CNOT10: variants seen among roughly 807,000 people sequenced by gnomAD.
CNOT10 encodes the protein CCR4-NOT transcription complex, subunit 10.
Under a neutral mutation model 94.6 loss-of-function variants are expected in CNOT10, and 30 were observed. The ratio of observed to expected loss-of-function variants is 0.32; its 90% confidence interval spans 0.24 to 0.43. The LOEUF is 0.43. Ranked by LOEUF, CNOT10 falls within the 20% of genes least tolerant of loss-of-function variation. The pLI, the probability that CNOT10 is intolerant of heterozygous loss-of-function variation, is 1.00. For missense variants in CNOT10, 759 were observed against 877.2 expected (o/e 0.87, Z 1.70); for synonymous variants, 289 against 301.6 (o/e 0.96, Z 0.43).
At chr3:32,735,020 A>G (rs1699122819) in intron 12 of CNOT10, 44 bp downstream of exon 12, 7 of 1,519,052 alleles carry the variant, frequency 4.6e-6, no homozygotes, top group South Asian at 1.2e-5. Context: ...TCCTTTCAGG[A>G]CTTCTTTAGT....
chr3:32,720,836 C>T (rs1443929192), intron 8 of CNOT10, among the ~76,000 whole-genome samples: 1 of 141,628 alleles, frequency 7.1e-6, no homozygotes, highest in African/African-American at 2.7e-5. Context: ...TCCCTCCCTC[C>T]CTTCCTCCCT....
chr3:32,768,677 GAA>G (rs1046377462), intron 17 of CNOT10, among the ~76,000 whole-genome samples: 38 of 152,246 alleles, frequency 2.5e-4, no homozygotes, highest in African/African-American at 8.9e-4. Context: ...CTCATTTTCT[GAA>G]AAGAGTTGTT....
chr3:32,702,237 A>C (rs1226302308), intron 1 of CNOT10, among the ~76,000 whole-genome samples: 1 of 152,146 alleles, frequency 6.6e-6, no homozygotes, highest in Non-Finnish European at 1.5e-5. Context: ...CTGGGATTAT[A>C]GGCATGAGCC....
At position 32,691,254 on chromosome 3, in the gene CNOT10, T is replaced by C. The variant is rs368318942; in HGVS notation, c.22+5772T>C. ...TCGGCTCAGTGCAACCTCTGTCTCCTGGGTTCAAGTGATTCTCCTGCCTCA... is the reference window on the plus strand; with the variant it reads ...TCGGCTCAGTGCAACCTCTGTCTCCCGGGTTCAAGTGATTCTCCTGCCTCA... On this transcript the variant is annotated intron_variant, in intron 1 of 18. Transcript: ENST00000328834. Among the ~76,000 whole-genome samples the C allele has an allele frequency of 1.9e-3, 280 of 150,564 alleles. 1 individual carries two copies. The highest frequency in any genetic ancestry group is 6.6e-3 in the African/African-American group (271 of 40,940).
intron 13 of CNOT10, among the ~76,000 whole-genome samples, chr3:32,752,040 G>A (rs963639000): frequency 1.3e-5 from 2 of 152,158 alleles, no homozygotes; most frequent in African/African-American, 4.8e-5. Flanking sequence ...TGTAATCCCA[G>A]CACTTCGGAA....
intron 17 of CNOT10, among the ~76,000 whole-genome samples, chr3:32,765,657 C>CAA (rs199748186): frequency 8.9e-5 from 4 of 44,774 alleles, no homozygotes; most frequent in Non-Finnish European, 5.0e-5. Flanking sequence ...CCTGTCCCCC[C>CAA]AAAAAAAAAA....
At chr3:32,691,867 G>A (rs781070709) in intron 1 of CNOT10, among the ~76,000 whole-genome samples, 1 of 152,038 alleles carries the variant, frequency 6.6e-6, no homozygotes, top group Non-Finnish European at 1.5e-5. Flanking sequence ...ACCAGCGTAG[G>A]TAACATGGTG....
chr3:32,723,905 C>T (rs955902321), intron 8 of CNOT10, among the ~76,000 whole-genome samples: 2 of 152,044 alleles, frequency 1.3e-5, no homozygotes, highest in African/African-American at 4.8e-5. Flanking sequence ...ACACAGGGAC[C>T]CTGTCTCTGC....
intron 6 of CNOT10, among the ~76,000 whole-genome samples, chr3:32,716,516 T>C (rs928290740): frequency 1.3e-5 from 2 of 152,234 alleles, no homozygotes; most frequent in African/African-American, 4.8e-5. Context: ...TAAATTGCTC[T>C]ATAAATAAAG....
intron 13 of CNOT10, among the ~76,000 whole-genome samples, chr3:32,746,166 C>G (rs911759036): frequency 4.6e-5 from 7 of 152,094 alleles, no homozygotes; most frequent in Admixed American, 2.6e-4. Context: ...GAAATCAGAA[C>G]AGTGGTTGCG....
At chr3:32,689,785 T>C (rs904699044) in intron 1 of CNOT10, among the ~76,000 whole-genome samples, 1 of 152,022 alleles carries the variant, frequency 6.6e-6, no homozygotes, top group East Asian at 1.9e-4. Context: ...CAGACTTGTC[T>C]CCGTAAAAAA....
intron 17 of CNOT10, among the ~76,000 whole-genome samples, chr3:32,766,902 C>A (rs937251358): frequency 6.6e-6 from 1 of 152,234 alleles, no homozygotes; most frequent in South Asian, 2.1e-4. Flanking sequence ...CCAGAGGAAT[C>A]TCACAAAATT....
chr3:32,713,220 C>T lies in CNOT10; in HGVS notation c.431-7C>T. 1 of 1,554,026 alleles carries T rather than the reference C, an allele frequency of 6.4e-7. No homozygotes were observed. The highest frequency in any genetic ancestry group is 1.4e-5 in the African/African-American group (1 of 71,020). ...GACTATTCTTTTCTGTGTTTTTTTT[C>T]TCCCAGAAGAAAAATTTGCCCAAGC... On this transcript the variant is annotated splice_polypyrimidine_tract_variant and splice_region_variant and intron_variant, in intron 4 of 18. Coordinates refer to ENST00000328834, the MANE Select transcript of CNOT10 (RefSeq NM_015442.3).
At chr3:32,740,591 G>A (rs566043874) in intron 13 of CNOT10, among the ~76,000 whole-genome samples, 50 of 151,734 alleles carry the variant, frequency 3.3e-4, no homozygotes, top group South Asian at 1.5e-3. Flanking sequence ...GGCTGGGCGC[G>A]GTGGCTCATG....
intron 12 of CNOT10, among the ~76,000 whole-genome samples, chr3:32,736,582 C>T (rs1163851753): frequency 6.6e-6 from 1 of 152,092 alleles, no homozygotes; most frequent in East Asian, 1.9e-4. Context: ...CGAAGCTAGC[C>T]TGTCCAACAT....
At chr3:32,698,924 T>C (rs1345795313) in intron 1 of CNOT10, among the ~76,000 whole-genome samples, 1 of 152,212 alleles carries the variant, frequency 6.6e-6, no homozygotes, top group East Asian at 1.9e-4. Context: ...TAGCTGGGAC[T>C]ACAGATGCAT....
chr3:32,735,120 G>A, intron 12 of CNOT10, 144 bp downstream of exon 12: 1 of 697,922 alleles, frequency 1.4e-6, no homozygotes, highest in Non-Finnish European at 2.4e-6. Flanking sequence ...AAGTATTTAT[G>A]TTTCTGAGTC....
chr3:32,754,976 G>A (rs183812369), intron 13 of CNOT10, among the ~76,000 whole-genome samples: 7 of 151,590 alleles, frequency 4.6e-5, no homozygotes, highest in African/African-American at 1.4e-4. Flanking sequence ...ACCGGGCATG[G>A]TGGCTCACGA....
Position 32,695,597 on chromosome 3 carries a change from C to T in CNOT10, c.23-8271C>T, listed in dbSNP as rs763515742. The T allele has an allele frequency of 2.0e-6, 3 of 1,534,252 alleles. No homozygotes were observed. In the South Asian group the frequency reaches 3.6e-5, roughly 18 times the overall value. On this transcript the variant is annotated intron_variant, in intron 1 of 18. Coordinates refer to ENST00000328834, the MANE Select transcript of CNOT10 (RefSeq NM_015442.3). ...TGGTGCATTTCTTTTCTGCTTAGTTCAAACCTAAAGGCAATTGTTTATTTA... is the reference window on the plus strand; with the variant it reads ...TGGTGCATTTCTTTTCTGCTTAGTTTAAACCTAAAGGCAATTGTTTATTTA...
Sources: gnomAD v4.1 joint callset for allele counts (sites outside exome capture counted in the v4.1 genomes callset) on GRCh38, gnomAD v4.1.1 for gene constraint, MANE v1.5 for transcripts, NCBI Gene and HGNC (gene_info 2026-07-23, HGNC 2026-07-21) for gene names.